The following ROBO1 variants were observed in gnomAD, a reference collection of about 807,000 sequenced individuals.
ROBO1 encodes roundabout homolog 1.
A neutral mutation model predicts 195.9 loss-of-function variants in ROBO1; 149 were observed. The observed-to-expected ratio is 0.76, with a 90% confidence interval of 0.67 to 0.87. The LOEUF (loss-of-function observed/expected upper bound fraction) is 0.87, where lower values mean the gene tolerates loss of function less well. Ranked by LOEUF, ROBO1 falls within the 40% of genes least tolerant of loss-of-function variation. The pLI is 0.00. For missense variants in ROBO1, 1,933 were observed against 2,068.3 expected (o/e 0.93, Z 1.27); for synonymous variants, 816 against 733.2 (o/e 1.11, Z -1.82).
chr3:78,754,934 G>C (rs1440377464), intron 4 of ROBO1, among the ~76,000 whole-genome samples: 1 of 152,070 alleles, frequency 6.6e-6, no homozygotes, highest in African/African-American at 2.4e-5. Flanking sequence ...GAAAAATCCT[G>C]GTACACTGGA....
At chr3:79,632,586 T>C (rs912512016) in intron 1 of ROBO1, among the ~76,000 whole-genome samples, 3 of 152,168 alleles carry the variant, frequency 2.0e-5, no homozygotes, top group African/African-American at 7.2e-5. Context: ...ATGCAATATA[T>C]CCATGTTCCA....
intron 2 of ROBO1, among the ~76,000 whole-genome samples, chr3:79,281,359 C>A (rs1237026473): frequency 6.6e-6 from 1 of 152,120 alleles, no homozygotes; most frequent in Non-Finnish European, 1.5e-5. Context: ...TACATGTGCA[C>A]AATGTGCAGG....
At chr3:79,484,755 C>CTTTTTTTTTTT (rs1158213253) in intron 2 of ROBO1, among the ~76,000 whole-genome samples, 3,808 of 66,604 alleles carry the variant, frequency 0.057, 1,335 homozygotes, top group African/African-American at 0.17. Flanking sequence ...ATTGCACTAT[C>CTTTTTTTTTTT]TTTTTTTTTT....
At chr3:78,885,747 C>T (rs1375479492) in intron 4 of ROBO1, among the ~76,000 whole-genome samples, 1 of 151,082 alleles carries the variant, frequency 6.6e-6, no homozygotes, top group East Asian at 1.9e-4. Flanking sequence ...CAGACACCTA[C>T]AAAGATTCAA....
At chr3:79,675,989 G>T (rs1031885617) in intron 1 of ROBO1, among the ~76,000 whole-genome samples, 2 of 151,960 alleles carry the variant, frequency 1.3e-5, no homozygotes, top group African/African-American at 4.8e-5. Flanking sequence ...TCCTTATGAA[G>T]GCTCCTGTGT....
At chr3:79,635,041 G>T (rs1291017400) in intron 1 of ROBO1, among the ~76,000 whole-genome samples, 1 of 152,156 alleles carries the variant, frequency 6.6e-6, no homozygotes, top group African/African-American at 2.4e-5. Context: ...ATAAGATTGT[G>T]TGGGAATAAA....
intron 1 of ROBO1, among the ~76,000 whole-genome samples, chr3:79,629,683 A>G (rs1013814130): frequency 6.6e-6 from 1 of 152,084 alleles, no homozygotes; most frequent in Non-Finnish European, 1.5e-5. Flanking sequence ...AAGATTATAC[A>G]AAGAATAAAG....
At chr3:79,147,544 T>A (rs2080678277) in intron 2 of ROBO1, among the ~76,000 whole-genome samples, 1 of 151,952 alleles carries the variant, frequency 6.6e-6, no homozygotes, top group African/African-American at 2.4e-5. Flanking sequence ...AATCCCATCC[T>A]TCAAATGACT....
chr3:79,128,157 G>A lies in ROBO1; in HGVS notation c.89-2618C>T, dbSNP rs77347780. ...TATGCGAGCTATGGACTAGAAGATAGCAAGGAAGAGACTATTGTGTGTTTA... is the reference window on the plus strand; with the variant it reads ...TATGCGAGCTATGGACTAGAAGATAACAAGGAAGAGACTATTGTGTGTTTA... On this transcript the variant is annotated intron_variant, in intron 2 of 30. Coordinates refer to ENST00000464233, the MANE Select transcript of ROBO1 (RefSeq NM_002941.4). Among the ~76,000 whole-genome samples the A allele has an allele frequency of 2.1e-3, 324 of 152,268 alleles. 2 individuals are homozygous for A. Among genetic ancestry groups the A allele is most frequent in the African/African-American group, 7.4e-3 (308 of 41,570 alleles).
At chr3:79,557,741 A>ATATATAT (rs1487088851) in intron 2 of ROBO1, among the ~76,000 whole-genome samples, 17 of 105,960 alleles carry the variant, frequency 1.6e-4, no homozygotes, top group African/African-American at 3.3e-4. Context: ...AAAACAAAAA[A>ATATATAT]AAATATATAT....
At chr3:79,075,894 G>T (rs2108448278) in intron 3 of ROBO1, among the ~76,000 whole-genome samples, 1 of 151,440 alleles carries the variant, frequency 6.6e-6, no homozygotes. Context: ...AATGAAAAGG[G>T]GTATTTGGAC....
chr3:78,651,817 G>T lies in ROBO1; in HGVS notation c.2727C>A (p.Ile909=), dbSNP rs763806028. 8 of 1,613,660 alleles carry T rather than the reference G, an allele frequency of 5.0e-6. No homozygotes were observed. The African/African-American group carries it at 9.3e-5, about 19-fold the overall frequency. Residue 909 remains isoleucine, a synonymous_variant, in exon 19 of 31, where the codon ATC becomes ATA. Transcript: ENST00000464233. Reference sequence around the variant, plus strand: ...GCCAGATGCTGAAGACCATGAGGATGATCCAACAGGCTGCTCCAATACCTG... The same window carrying T: ...GCCAGATGCTGAAGACCATGAGGATTATCCAACAGGCTGCTCCAATACCTG... ...FIAGIGAACW[I]ILMVFSIWLY... is the part of the protein sequence containing the mutation.
At chr3:79,228,756 T>A (rs1341659180) in intron 2 of ROBO1, among the ~76,000 whole-genome samples, 2 of 152,108 alleles carry the variant, frequency 1.3e-5, no homozygotes, top group African/African-American at 4.8e-5. Flanking sequence ...TTCTTTGAGA[T>A]AAAACCATAT....
chr3:78,828,823 T>C (rs191901384), intron 4 of ROBO1, among the ~76,000 whole-genome samples: 1 of 152,324 alleles, frequency 6.6e-6, no homozygotes, highest in Admixed American at 6.5e-5. Context: ...TGGCTCCCCA[T>C]TTGGGAAAGC....
chr3:78,758,338 G>T (rs1163870820), intron 4 of ROBO1, among the ~76,000 whole-genome samples: 1 of 152,054 alleles, frequency 6.6e-6, no homozygotes, highest in African/African-American at 2.4e-5. Context: ...GGGCAATACA[G>T]TGGGACACCT....
intron 3 of ROBO1, among the ~76,000 whole-genome samples, chr3:79,007,197 A>T (rs962873202): frequency 2.0e-5 from 3 of 152,230 alleles, no homozygotes; most frequent in Admixed American, 1.3e-4. Context: ...CTCTCTTCAA[A>T]TACTGAAACT....
At chr3:79,241,019 C>A (rs1404966326) in intron 2 of ROBO1, among the ~76,000 whole-genome samples, 1 of 152,042 alleles carries the variant, frequency 6.6e-6, no homozygotes, top group Non-Finnish European at 1.5e-5. Flanking sequence ...AAATAATGTT[C>A]TTCTGACAAA....
chr3:79,538,153 A>T (rs1341528107), intron 2 of ROBO1, among the ~76,000 whole-genome samples: 1 of 152,180 alleles, frequency 6.6e-6, no homozygotes, highest in Non-Finnish European at 1.5e-5. Flanking sequence ...ATATAATTTT[A>T]GGTAACATTA....
chr3:79,551,393 T>G (rs1942506588), intron 2 of ROBO1, among the ~76,000 whole-genome samples: 1 of 149,652 alleles, frequency 6.7e-6, no homozygotes, highest in African/African-American at 2.5e-5. Flanking sequence ...CAAAATGAAC[T>G]AAGACACACC....
Sources: gnomAD v4.1 joint callset for allele counts (sites outside exome capture counted in the v4.1 genomes callset) on GRCh38, gnomAD v4.1.1 for gene constraint, MANE v1.5 for transcripts, NCBI Gene and HGNC (gene_info 2026-07-23, HGNC 2026-07-21) for gene names.